SNX17: variants seen among roughly 807,000 people sequenced by gnomAD.
SNX17 encodes the protein sorting nexin 17.
In SNX17, 35 loss-of-function variants were observed where a neutral mutation model predicts 64.3. That is an observed-to-expected ratio of 0.54 (90% CI 0.42 to 0.72). The LOEUF is 0.72. SNX17 is among the 30% of genes least tolerant of loss of function. The pLI is 0.00. For synonymous variants in SNX17, 259 were observed against 230.2 expected (o/e 1.13, Z -1.13); for missense variants, 538 against 610.0 (o/e 0.88, Z 1.24).
At chr2:27,374,638 G>T (rs1400803980) in intron 7 of SNX17, 51 bp from the exon 8 acceptor site, 7 of 1,565,104 alleles carry the variant, frequency 4.5e-6, no homozygotes, top group Non-Finnish European at 6.2e-6. Context: ...TCTACCTCTT[G>T]CCTTAACCCA....
rs201610356 is a variant in SNX17, at chr2:27,372,665, C to G, written c.181C>G (p.Pro61Ala). The change falls in exon 3 of 15, where the codon CCA becomes GCA. Residue 61 changes from proline to alanine, a missense_variant. By Grantham distance (27) the Pro-to-Ala change is conservative. Transcript: ENST00000233575. Reference protein sequence around the residue: ...YGANVLPAFPPKKLFSLTPAE... With the variant: ...YGANVLPAFPAKKLFSLTPAE... Reference sequence around the variant, plus strand: ...GGCCAATGTGCTTCCTGCATTCCCCCCAAAGAAGCTTTTCTCTCTGACTCC... The same window carrying G: ...GGCCAATGTGCTTCCTGCATTCCCCGCAAAGAAGCTTTTCTCTCTGACTCC... The G allele has an allele frequency of 2.5e-6, 4 of 1,614,038 alleles. No homozygotes were observed. The highest frequency in any genetic ancestry group is 3.3e-5 in the Admixed American group (2 of 60,000).
intron 2 of SNX17, 88 bp from the exon 3 acceptor site, chr2:27,372,535 C>T: frequency 1.3e-6 from 2 of 1,589,392 alleles, no homozygotes; most frequent in Non-Finnish European, 1.7e-6. Context: ...AAGGGAGGGG[C>T]ACCCAAGAGA....
At chr2:27,371,411 C>A in intron 2 of SNX17, 68 bp downstream of exon 2, 1 of 1,536,878 alleles carries the variant, frequency 6.5e-7, no homozygotes, top group Non-Finnish European at 8.7e-7. Context: ...CAGTGTCTCC[C>A]TTTACCCGCT....
rs1413869824 is a variant in SNX17, at chr2:27,375,138, A to G, written c.759A>G (p.Lys253=). 6.8e-6 allele frequency: 11 copies of G among 1,614,098 alleles called. No individual in the cohort carries two copies. Among genetic ancestry groups the G allele is most frequent in the East Asian group, 2.2e-5 (1 of 44,868 alleles). ...QHRQLKSLQE[K]VSKKEFLRLA... ...GGCAACTCAAATCTCTGCAAGAGAA[A>G]GTCTCCAAGAAGGAGGTGAGCCCTG... Residue 253 remains lysine, a synonymous_variant, in exon 9 of 15, where the codon AAA becomes AAG. Transcript: ENST00000233575. This position sits in a 1 kb window ranked among gnomAD's most constrained non-coding sequence, Gnocchi z 4.1.
intron 2 of SNX17, among the ~76,000 whole-genome samples, chr2:27,371,832 AT>A (rs1389690301): frequency 6.6e-6 from 1 of 152,202 alleles, no homozygotes; most frequent in Non-Finnish European, 1.5e-5. Flanking sequence ...CTTAAACTCT[AT>A]TTAACTCAGT....
At chr2:27,371,416 C>T (rs1324316307) in intron 2 of SNX17, 73 bp downstream of exon 2, 19 of 1,530,054 alleles carry the variant, frequency 1.2e-5, no homozygotes, top group Non-Finnish European at 1.6e-5. Flanking sequence ...TCTCCCTTTA[C>T]CCGCTCTTCT....
intron 4 of SNX17, 73 bp downstream of exon 4, chr2:27,373,384 A>G: frequency 3.3e-6 from 5 of 1,512,432 alleles, no homozygotes; most frequent in Non-Finnish European, 4.6e-6. Flanking sequence ...TTTTTTTGAG[A>G]CAGAGTCTTG....
Position 27,377,243 on chromosome 2 carries a change from T to C in SNX17, c.*524T>C. On this transcript the variant is annotated 3_prime_UTR_variant, in exon 15 of 15. Transcript: ENST00000233575. The surrounding 1 kb of genome is among the most constrained non-coding windows in gnomAD (Gnocchi z 4.4). ...TTCAGCATAGACATGGCTTTGTTAG[T>C]GTTTCCTTTATTATAAAGCACTGAA... 3.6e-6 allele frequency: 2 copies of C among 556,298 alleles called. No homozygotes were observed. Among genetic ancestry groups the C allele is most frequent in the East Asian group, 3.2e-5 (1 of 31,626 alleles). The allele number at this position is 556,298 out of a possible 1,614,324, so 34.5% of individuals were successfully genotyped here. A position where few individuals can be genotyped will look rare whatever the true frequency, so the allele number is the denominator to read the frequency against.
intron 2 of SNX17, among the ~76,000 whole-genome samples, chr2:27,372,301 C>T (rs1177939945): frequency 6.6e-6 from 1 of 152,228 alleles, no homozygotes; most frequent in African/African-American, 2.4e-5. Flanking sequence ...TTATAAAGCC[C>T]TTTCCTTCCT....
intron 2 of SNX17, chr2:27,371,586 T>A: frequency 1.4e-6 from 1 of 706,844 alleles, no homozygotes; most frequent in Non-Finnish European, 2.0e-6. Context: ...GTCTTACTGC[T>A]CTAGTAGCCT....
In SNX17 at chr2:27,375,904, T is replaced by G; in HGVS notation, c.1037T>G (p.Leu346Arg). 6.2e-7 allele frequency: 1 copy of G among 1,614,198 alleles called. No individual in the cohort carries two copies. The highest frequency in any genetic ancestry group is 8.5e-7 in the Non-Finnish European group (1 of 1,180,040). The change falls in exon 11 of 15, where the codon CTG (leucine) becomes CGG (arginine). Residue 346 changes from leucine to arginine, a missense_variant. Physicochemically the swap from Leu to Arg is moderately radical, Grantham distance 102. This residue lies in a region of SNX17 where 505 missense variants were observed against 550.4 expected (regional missense o/e 0.92). Coordinates refer to ENST00000233575, the MANE Select transcript of SNX17 (RefSeq NM_014748.4). This position sits in a 1 kb window ranked among gnomAD's most constrained non-coding sequence, Gnocchi z 4.1. ...SPGRGRGEVR[L>R]ELAFEYLMSK... ...GGCCGGGGCCGGGGTGAGGTGCGCC[T>G]GGAACTGGCTTTTGAATACCTCATG...
chr2:27,376,110 T>C lies in SNX17; in HGVS notation c.1109T>C (p.Ile370Thr). The C allele has an allele frequency of 6.2e-7, 1 of 1,614,162 alleles. No individual in the cohort carries two copies. The highest frequency in any genetic ancestry group is 8.5e-7 in the Non-Finnish European group (1 of 1,180,030). The change falls in exon 12 of 15, where the codon ATC becomes ACC. Residue 370 changes from isoleucine (I) to threonine (T), a missense_variant. Physicochemically the swap from Ile to Thr is moderately conservative, Grantham distance 89. Coordinates refer to ENST00000233575, the MANE Select transcript of SNX17 (RefSeq NM_014748.4). ...QWVTITSPQA[I>T]MMSICLQSMV... is the part of the protein sequence containing the mutation. ...GGACACTCTTCTTGCCCTCAGGCTA[T>C]CATGATGAGCATCTGCTTGCAGTCC... is the stretch of plus-strand genomic sequence containing the variant.
Position 27,375,405 on chromosome 2 carries a change from TG to T in SNX17, c.775-98del. The T allele has an allele frequency of 8.0e-7, 1 of 1,250,316 alleles. No homozygotes were observed. Among genetic ancestry groups the T allele is most frequent in the Non-Finnish European group, 1.1e-6 (1 of 870,626 alleles). The allele number at this position is 1,250,316 out of a possible 1,614,324, so 77.5% of individuals were successfully genotyped here. On this transcript the variant is annotated intron_variant, in intron 9 of 14. Transcript: ENST00000233575. This position sits in a 1 kb window ranked among gnomAD's most constrained non-coding sequence, Gnocchi z 4.1. The stretch of plus-strand genomic sequence containing the variant: ...TGTCTGCCTCTGCCTCCTAAAGTGC[TG>T]GGATTATAGGCATGAGCCACCGCGC...
In SNX17 at chr2:27,375,481, C is replaced by T. The variant is rs777048433; in HGVS notation, c.775-25C>T. The T allele has an allele frequency of 6.2e-7, 1 of 1,613,428 alleles. No individual in the cohort carries two copies. The highest frequency in any genetic ancestry group is 8.5e-7 in the Non-Finnish European group (1 of 1,179,744). ...CTGCCCCATTCTCCCTCCTAATCTA[C>T]CCCCATGTGATGACCATTTTTCAGT... On this transcript the variant is annotated intron_variant, in intron 9 of 14. Coordinates refer to ENST00000233575, the MANE Select transcript of SNX17 (RefSeq NM_014748.4). The surrounding 1 kb of genome is among the most constrained non-coding windows in gnomAD (Gnocchi z 4.1).
chr2:27,373,983 G>T lies in SNX17; in HGVS notation c.432+12G>T, dbSNP rs113008938. On this transcript the variant is annotated intron_variant, in intron 5 of 14. Transcript: ENST00000233575. ...AGGATGTCCTGGAGGTGAGGCGCTT[G>T]TTCAGCACTGCCCCTTCTTCCCCTA... The T allele has an allele frequency of 1.2e-6, 2 of 1,612,654 alleles. No homozygotes were observed. Among genetic ancestry groups the T allele is most frequent in the South Asian group, 2.2e-5 (2 of 91,054 alleles).
chr2:27,371,564 G>GT, intron 2 of SNX17: 1 of 996,030 alleles, frequency 1.0e-6, no homozygotes. Flanking sequence ...TTATATTCTG[G>GT]TTTTCTGTCC....
chr2:27,377,416 C>A lies in SNX17; in HGVS notation c.*697C>A. On this transcript the variant is annotated 3_prime_UTR_variant, in exon 15 of 15. Transcript: ENST00000233575. The surrounding 1 kb of genome is among the most constrained non-coding windows in gnomAD (Gnocchi z 4.4). Reference sequence around the variant, plus strand: ...GCAAGGTCCCCTGGTCCATATGGGCCCCCCCGCCCATGGGGTTGGGCTGGT... The same window carrying A: ...GCAAGGTCCCCTGGTCCATATGGGCACCCCCGCCCATGGGGTTGGGCTGGT... 4 of 1,026,960 alleles carry A rather than the reference C, an allele frequency of 3.9e-6. No individual in the cohort carries two copies. The highest frequency in any genetic ancestry group is 1.3e-5 in the South Asian group (1 of 74,160). The allele number at this position is 1,026,960 out of a possible 1,614,324, so 63.6% of individuals were successfully genotyped here.
chr2:27,374,657 C>G (rs1305230396), intron 7 of SNX17, 32 bp from the exon 8 acceptor site: 1 of 1,606,904 alleles, frequency 6.2e-7, no homozygotes, highest in African/African-American at 1.3e-5. Flanking sequence ...CAGCTTAGCC[C>G]CATTACCCCT....
At position 27,375,991 on chromosome 2, in the gene SNX17, C is replaced by T. The variant is rs368188930; in HGVS notation, c.1104+20C>T. 1 of 1,613,766 alleles carries T rather than the reference C, an allele frequency of 6.2e-7. No homozygotes were observed. Among genetic ancestry groups the T allele is most frequent in the Non-Finnish European group, 8.5e-7 (1 of 1,179,896 alleles). ...CCCCAGGTGTGAACCTACCCTCAGC[C>T]CTCCTCTGGAGCACCTTAAAGTGTA... On this transcript the variant is annotated intron_variant, in intron 11 of 14. Coordinates refer to ENST00000233575, the MANE Select transcript of SNX17 (RefSeq NM_014748.4). The surrounding 1 kb of genome is among the most constrained non-coding windows in gnomAD (Gnocchi z 4.1).
Sources: allele counts gnomAD v4.1 joint callset (sites outside exome capture counted in the v4.1 genomes callset), GRCh38; gene constraint gnomAD v4.1.1; regional missense constraint gnomAD v4.1.1; non-coding constraint Gnocchi (gnomAD v3.1); transcripts MANE v1.5; gene names NCBI Gene and HGNC (gene_info 2026-07-23, HGNC 2026-07-21).